The following ZMYND11 variants were observed in gnomAD, a reference collection of about 807,000 sequenced individuals.
ZMYND11 encodes zinc finger MYND domain-containing protein 11.
Under a neutral mutation model 84.9 loss-of-function variants are expected in ZMYND11, and 9 were observed. That is an observed-to-expected ratio of 0.11 (90% CI 0.06 to 0.18). The LOEUF (loss-of-function observed/expected upper bound fraction) is 0.18, where lower values mean the gene tolerates loss of function less well. ZMYND11 is among the 10% of genes least tolerant of loss of function. The probability of loss-of-function intolerance (pLI) is 1.00; values close to 1 mark genes in which losing one functional copy is unlikely to be tolerated. For synonymous variants in ZMYND11, 250 were observed against 244.1 expected, an observed-to-expected ratio of 1.02 and a Z score of -0.23; for missense variants, 409 against 761.0, an observed-to-expected ratio of 0.54 and a Z score of 5.44.
At chr10:180,255 T>C (rs923320257) in intron 2 of ZMYND11, 127 bp downstream of exon 2, 3 of 598,070 alleles carry the variant, frequency 5.0e-6, no homozygotes, top group Non-Finnish European at 8.6e-6. Context: ...ACTTTTTGCT[T>C]TGCAGGAGTA....
chr10:189,781 A>G (rs892656258), intron 2 of ZMYND11, among the ~76,000 whole-genome samples: 3 of 152,222 alleles, frequency 2.0e-5, no homozygotes, highest in African/African-American at 4.8e-5. Context: ...AGTACCAAAT[A>G]ACAGGAGAGG....
chr10:160,036 T>C (rs1554761151), intron 1 of ZMYND11, among the ~76,000 whole-genome samples: 3 of 152,210 alleles, frequency 2.0e-5, no homozygotes, highest in Non-Finnish European at 4.4e-5. Context: ...AGAAGGGATA[T>C]AGTGAGGATC....
rs1055258524 is a variant in ZMYND11 at position 239,671 on chromosome 10, G to T, written c.697+146G>T. 2.1e-5 allele frequency: 14 copies of T among 679,250 alleles called. No individual in the cohort carries two copies. The East Asian group carries it at 3.6e-4, about 17-fold the overall frequency. 42.1% of individuals were successfully genotyped at this position (679,250 alleles called of 1,614,324 possible). ...TAGAGTATAAGGTTAGGAATATCTG[G>T]TGATATAGATTATAGAATGGACTGG... On this transcript the variant is annotated intron_variant, in intron 7 of 14. Transcript: ENST00000381604.
chr10:203,312 C>G (rs1943568356), intron 2 of ZMYND11, among the ~76,000 whole-genome samples: 1 of 151,500 alleles, frequency 6.6e-6, no homozygotes, highest in Admixed American at 6.6e-5. Flanking sequence ...CCAGCAACCA[C>G]CAACCAGGAA....
At chr10:247,853 T>G (rs1952485284) in intron 12 of ZMYND11, among the ~76,000 whole-genome samples, 1 of 152,230 alleles carries the variant, frequency 6.6e-6, no homozygotes, top group African/African-American at 2.4e-5. Context: ...GAGACTGTGG[T>G]TGAGCTCAGC....
At chr10:145,428 G>C (rs1588417461) in intron 1 of ZMYND11, among the ~76,000 whole-genome samples, 1 of 152,078 alleles carries the variant, frequency 6.6e-6, no homozygotes, top group East Asian at 1.9e-4. Flanking sequence ...TGGGATTGCT[G>C]GATCAAATGG....
rs561512276 is a variant in ZMYND11 at position 254,368 on chromosome 10, C to A, written c.*1898C>A. On this transcript the variant is annotated 3_prime_UTR_variant, in exon 15 of 15. Transcript: ENST00000381604. ...TGAAAACTGTGTGTTTAAAAAAAAA[C>A]AAAATTAAAAAAAGAGATTGTGGCC... The A allele has an allele frequency of 1.4e-4, 21 of 152,194 alleles. 1 individual carries two copies. The highest frequency in any genetic ancestry group is 2.1e-4 in the Non-Finnish European group (14 of 67,888). 9.4% of individuals were successfully genotyped at this position (152,194 alleles called of 1,614,324 possible). A position where few individuals can be genotyped will look rare whatever the true frequency, so the allele number is the denominator to read the frequency against.
At chr10:164,639 A>G (rs1267811457) in intron 1 of ZMYND11, among the ~76,000 whole-genome samples, 3 of 152,206 alleles carry the variant, frequency 2.0e-5, no homozygotes, top group East Asian at 1.9e-4. Flanking sequence ...CCATTTGTCA[A>G]ATCCACACGT....
intron 1 of ZMYND11, among the ~76,000 whole-genome samples, chr10:167,856 A>G (rs1011649707): frequency 1.3e-5 from 2 of 152,022 alleles, no homozygotes; most frequent in Non-Finnish European, 2.9e-5. Flanking sequence ...TATCTTTATC[A>G]TTTTTAGGAG....
At chr10:190,405 A>C (rs1940040111) in intron 2 of ZMYND11, among the ~76,000 whole-genome samples, 2 of 150,754 alleles carry the variant, frequency 1.3e-5, no homozygotes, top group Non-Finnish European at 3.0e-5. Flanking sequence ...GCAACTCCCC[A>C]CTCTCCTTAG....
chr10:203,635 T>C (rs1943629760), intron 2 of ZMYND11, among the ~76,000 whole-genome samples: 1 of 152,168 alleles, frequency 6.6e-6, no homozygotes, highest in South Asian at 2.1e-4. Flanking sequence ...GCTGGCAAGC[T>C]TACATGGGAG....
intron 1 of ZMYND11, among the ~76,000 whole-genome samples, chr10:157,599 G>C (rs1261051516): frequency 2.0e-5 from 3 of 152,084 alleles, no homozygotes; most frequent in African/African-American, 7.2e-5. Flanking sequence ...GGAAAGGAAG[G>C]GGCAACATGT....
intron 9 of ZMYND11, among the ~76,000 whole-genome samples, chr10:241,513 C>T (rs1039212354): frequency 1.3e-5 from 2 of 151,948 alleles, no homozygotes; most frequent in Non-Finnish European, 2.9e-5. Flanking sequence ...TTTGTTTCTC[C>T]TTTCATCCTT....
intron 3 of ZMYND11, among the ~76,000 whole-genome samples, chr10:215,739 G>A (rs1481738304): frequency 6.6e-6 from 1 of 151,778 alleles, no homozygotes; most frequent in African/African-American, 2.4e-5. Flanking sequence ...CTCATTTTTT[G>A]TAGAGACAGG....
At chr10:149,002 T>C (rs1186320089) in intron 1 of ZMYND11, among the ~76,000 whole-genome samples, 1 of 152,196 alleles carries the variant, frequency 6.6e-6, no homozygotes, top group Non-Finnish European at 1.5e-5. Context: ...TTAAAGAGAA[T>C]AGTTTTATGA....
Position 252,504 on chromosome 10 carries a change from C to A in ZMYND11, c.*34C>A. 1 of 1,592,546 alleles carries A rather than the reference C, an allele frequency of 6.3e-7. No individual in the cohort carries two copies. On this transcript the variant is annotated 3_prime_UTR_variant, in exon 15 of 15. Coordinates refer to ENST00000381604, the MANE Select transcript of ZMYND11 (RefSeq NM_001370100.5). This position sits in a 1 kb window ranked among gnomAD's most constrained non-coding sequence, Gnocchi z 4.6. ...CTTCCCGGAGTCACCCCGATGATTACTCTTTTCAGACACAGCGGTTTTTGT... is the reference window on the plus strand; with the variant it reads ...CTTCCCGGAGTCACCCCGATGATTAATCTTTTCAGACACAGCGGTTTTTGT...
At chr10:167,259 G>A (rs1229628479) in intron 1 of ZMYND11, among the ~76,000 whole-genome samples, 8 of 151,930 alleles carry the variant, frequency 5.3e-5, no homozygotes, top group South Asian at 2.1e-4. Context: ...TATATATTTC[G>A]CTACAGTTTT....
At chr10:149,120 CTTTGAAAAATACGAAT>C (rs1839639124) in intron 1 of ZMYND11, among the ~76,000 whole-genome samples, 1 of 151,870 alleles carries the variant, frequency 6.6e-6, no homozygotes, top group Admixed American at 6.6e-5. Flanking sequence ...AAGTAATTGA[CTTTGAAAAATACGAAT>C]TTTCTAAAAA....
chr10:199,853 T>C (rs1383932002), intron 2 of ZMYND11, among the ~76,000 whole-genome samples: 1 of 152,074 alleles, frequency 6.6e-6, no homozygotes, highest in South Asian at 2.1e-4. Context: ...TAAAATTTTA[T>C]GATGTGGAAA....
Sources: allele counts gnomAD v4.1 joint callset (sites outside exome capture counted in the v4.1 genomes callset), GRCh38; gene constraint gnomAD v4.1.1; non-coding constraint Gnocchi (gnomAD v3.1); transcripts MANE v1.5; gene names NCBI Gene and HGNC (gene_info 2026-07-23, HGNC 2026-07-21).